Variants in PRKD2 observed in about 807,000 individuals in gnomAD.
The protein encoded by PRKD2 is protein kinase D2, also known as serine/threonine-protein kinase D2.
PRKD2 carries 22 observed loss-of-function variants against 86.0 expected under a neutral mutation model. That is an observed-to-expected ratio of 0.26 (90% CI 0.18 to 0.37). The LOEUF (loss-of-function observed/expected upper bound fraction) is 0.37, where lower values mean the gene tolerates loss of function less well. Ranked by LOEUF, PRKD2 falls within the 10% of genes least tolerant of loss-of-function variation. The pLI, the probability that PRKD2 is intolerant of heterozygous loss-of-function variation, is 1.00. For synonymous variants in PRKD2, 509 were observed against 510.9 expected, an observed-to-expected ratio of 1.00 and a Z score of 0.05; for missense variants, 818 against 1,199.2, an observed-to-expected ratio of 0.68 and a Z score of 4.70.
intron 2 of PRKD2, 91 bp from the exon 3 acceptor site, chr19:46,711,129 A>C (rs1599843168): frequency 2.7e-6 from 4 of 1,462,212 alleles, no homozygotes; most frequent in Non-Finnish European, 3.7e-6. Context: ...CAGTGCTCCC[A>C]GCCGCAAGGT....
chr19:46,682,701 ATTTTTTTTT>A (rs71177241), intron 14 of PRKD2, among the ~76,000 whole-genome samples: 4 of 102,874 alleles, frequency 3.9e-5, no homozygotes, highest in Admixed American at 2.2e-4. Flanking sequence ...ATGTGATTCT[ATTTTTTTTT>A]TTTTTTTTTT....
intron 14 of PRKD2, among the ~76,000 whole-genome samples, chr19:46,688,380 C>A (rs1395503830): frequency 1.3e-5 from 2 of 151,570 alleles, no homozygotes; most frequent in Non-Finnish European, 2.9e-5. Flanking sequence ...AAATAGCTAT[C>A]ATTACCGCTA....
At chr19:46,699,564 G>C (rs528935519) in intron 7 of PRKD2, among the ~76,000 whole-genome samples, 1 of 152,180 alleles carries the variant, frequency 6.6e-6, no homozygotes, top group Non-Finnish European at 1.5e-5. Flanking sequence ...ACAGGGAAGC[G>C]CCTAGCAAGT....
In PRKD2 at chr19:46,711,041, G is replaced by A. The variant is rs2053800617; in HGVS notation, c.380-3C>T. On this transcript the variant is annotated splice_region_variant and splice_polypyrimidine_tract_variant and intron_variant, in intron 2 of 17. Coordinates refer to ENST00000291281, the MANE Select transcript of PRKD2 (RefSeq NM_016457.5). Reference sequence around the variant, plus strand: ...GAAGTCCTCGAAGGTGGCCGAGGCTGTAGGCGGAAAATAGGGGTGGATGCT... The same window carrying A: ...GAAGTCCTCGAAGGTGGCCGAGGCTATAGGCGGAAAATAGGGGTGGATGCT... 6.3e-7 allele frequency: 1 copy of A among 1,579,072 alleles called. No individual in the cohort carries two copies. The highest frequency in any genetic ancestry group is 1.2e-5 in the South Asian group (1 of 86,276).
chr19:46,690,775 A>C, intron 12 of PRKD2, 69 bp from the exon 13 acceptor site: 3 of 1,262,082 alleles, frequency 2.4e-6, no homozygotes, highest in Non-Finnish European at 2.3e-6. Context: ...GAGTATCTCC[A>C]CCTCTGCCAA....
intron 7 of PRKD2, 136 bp from the exon 8 acceptor site, chr19:46,697,986 C>G: frequency 2.9e-6 from 2 of 698,208 alleles, no homozygotes. Flanking sequence ...ACATTTTCCC[C>G]CCAACACACA....
intron 9 of PRKD2, among the ~76,000 whole-genome samples, chr19:46,696,463 A>G (rs2053559019): frequency 6.6e-6 from 1 of 152,080 alleles, no homozygotes; most frequent in Non-Finnish European, 1.5e-5. Context: ...TACATTAATT[A>G]TAAAGAAATA....
intron 1 of PRKD2, among the ~76,000 whole-genome samples, chr19:46,715,471 A>T (rs892296445): frequency 1.3e-5 from 2 of 152,218 alleles, no homozygotes; most frequent in Admixed American, 1.3e-4. Context: ...TATTCTTTTA[A>T]CATTTCACGG....
At chr19:46,705,231 TAAGC>T (rs2053697424) in intron 3 of PRKD2, among the ~76,000 whole-genome samples, 1 of 151,954 alleles carries the variant, frequency 6.6e-6, no homozygotes, top group Non-Finnish European at 1.5e-5. Flanking sequence ...TCCTCTATGG[TAAGC>T]ACCTCCTTCT....
intron 14 of PRKD2, among the ~76,000 whole-genome samples, chr19:46,683,693 G>A (rs1040128933): frequency 3.3e-5 from 5 of 152,016 alleles, no homozygotes; most frequent in African/African-American, 1.2e-4. Context: ...ACTCCAGCCT[G>A]GGCGACAGAG....
At chr19:46,697,573 A>C (rs552944592) in intron 8 of PRKD2, among the ~76,000 whole-genome samples, 160 bp downstream of exon 8, 2 of 147,524 alleles carry the variant, frequency 1.4e-5, no homozygotes, top group South Asian at 4.3e-4. Flanking sequence ...CTTACAGCCC[A>C]CACTTCTAAT....
chr19:46,701,249 C>G, intron 5 of PRKD2, 137 bp from the exon 6 acceptor site: 1 of 929,870 alleles, frequency 1.1e-6, no homozygotes, highest in Non-Finnish European at 1.7e-6. Context: ...TGCTGCTGCC[C>G]TGGTCATTTT....
chr19:46,683,680 T>C (rs1364245662), intron 14 of PRKD2, among the ~76,000 whole-genome samples: 1 of 151,948 alleles, frequency 6.6e-6, no homozygotes, highest in African/African-American at 2.4e-5. Flanking sequence ...ATCGCGCCAT[T>C]GCACTCCAGC....
chr19:46,681,839 CTTTTTT>C (rs551472575), intron 14 of PRKD2, 91 bp from the exon 15 acceptor site: 22 of 486,136 alleles, frequency 4.5e-5, no homozygotes, highest in Non-Finnish European at 6.6e-5. Flanking sequence ...CCCATCCATA[CTTTTTT>C]TTTTTTTTTT....
At chr19:46,713,774 C>T in intron 2 of PRKD2, 89 bp downstream of exon 2, 1 of 1,258,136 alleles carries the variant, frequency 7.9e-7, no homozygotes, top group African/African-American at 1.5e-5. Context: ...CCCGGCCTCT[C>T]CTGACTTCTA....
Position 46,690,711 on chromosome 19 carries a change from A to G in PRKD2, c.1703-5T>C, listed in dbSNP as rs753704040. 72 of 1,613,486 alleles carry G rather than the reference A, an allele frequency of 4.5e-5. No individual in the cohort carries two copies. Among genetic ancestry groups the G allele is most frequent in the Admixed American group, 6.7e-5 (4 of 59,972 alleles). ...GGCCTGTCTTCCGGTGTTTTCCTGC[A>G]CAGGGAGTAGAAGAGATGGGGGATG... is the stretch of plus-strand genomic sequence containing the variant. On this transcript the variant is annotated splice_region_variant and splice_polypyrimidine_tract_variant and intron_variant, in intron 12 of 17. Coordinates refer to ENST00000291281, the MANE Select transcript of PRKD2 (RefSeq NM_016457.5).
chr19:46,695,445 T>C (rs1315865109), intron 9 of PRKD2, among the ~76,000 whole-genome samples: 3 of 152,214 alleles, frequency 2.0e-5, no homozygotes, highest in Admixed American at 6.5e-5. Context: ...ATCGCGCCAC[T>C]GCACTCCAGC....
At chr19:46,714,070 A>G in intron 1 of PRKD2, 69 bp from the exon 2 acceptor site, 1 of 1,571,456 alleles carries the variant, frequency 6.4e-7, no homozygotes, top group East Asian at 2.3e-5. Flanking sequence ...GCGGACTGTG[A>G]CCCTCCCAGG....
intron 13 of PRKD2, among the ~76,000 whole-genome samples, chr19:46,690,183 G>T (rs1011623333): frequency 1.3e-5 from 2 of 151,702 alleles, no homozygotes; most frequent in Non-Finnish European, 2.9e-5. Flanking sequence ...GTCCTATCCT[G>T]GCCTAACCCC....
Sources: allele counts gnomAD v4.1 joint callset (sites outside exome capture counted in the v4.1 genomes callset), GRCh38; gene constraint gnomAD v4.1.1; transcripts MANE v1.5; gene names NCBI Gene and HGNC (gene_info 2026-07-23, HGNC 2026-07-21).